The following REPS1 variants were observed in gnomAD, a reference collection of about 807,000 sequenced individuals.
REPS1 encodes the protein RALBP1 associated Eps domain containing 1.
Under a neutral mutation model 100.9 loss-of-function variants are expected in REPS1, and 39 were observed. The ratio of observed to expected loss-of-function variants is 0.39; its 90% CI spans 0.30 to 0.50. The LOEUF (loss-of-function observed/expected upper bound fraction) is 0.50. Among genes scored for constraint, REPS1 ranks in the 20% least tolerant of loss-of-function variants. The pLI is 0.86. For missense variants in REPS1, 821 were observed against 968.5 expected (o/e 0.85, Z 2.02); for synonymous variants, 324 against 340.3 (o/e 0.95, Z 0.53).
At chr6:138,961,078 C>T (rs1783707654) in intron 1 of REPS1, among the ~76,000 whole-genome samples, 1 of 152,052 alleles carries the variant, frequency 6.6e-6, no homozygotes, top group African/African-American at 2.4e-5. Flanking sequence ...AAATGATGTT[C>T]ATGAAAAAAG....
At chr6:138,982,514 G>C (rs979953408) in intron 1 of REPS1, among the ~76,000 whole-genome samples, 5 of 152,172 alleles carry the variant, frequency 3.3e-5, no homozygotes, top group African/African-American at 1.2e-4. Context: ...AAAACATTCT[G>C]ATTAGTGTGG....
At chr6:138,939,258 G>C (rs1037047383) in intron 8 of REPS1, among the ~76,000 whole-genome samples, 3 of 150,950 alleles carry the variant, frequency 2.0e-5, no homozygotes, top group Non-Finnish European at 3.0e-5. Context: ...AATTTGGTCA[G>C]AAAACCATAT....
intron 1 of REPS1, among the ~76,000 whole-genome samples, chr6:138,964,320 C>T (rs1783898764): frequency 6.6e-6 from 1 of 152,016 alleles, no homozygotes; most frequent in African/African-American, 2.4e-5. Flanking sequence ...GGTCTTTCCC[C>T]CAACACTATG....
rs201210842 is a variant in REPS1, at chr6:138,911,406, C to T, written c.1972-35G>A. 35 of 1,295,508 alleles carry T rather than the reference C, an allele frequency of 2.7e-5. No individual in the cohort carries two copies. In the African/African-American group the frequency reaches 3.2e-4, roughly 12 times the overall value. 80.3% of individuals were successfully genotyped at this position (1,295,508 alleles called of 1,614,324 possible). ...AATATGTTTATCACTATTAATTCTA[C>T]ATAACATGTAATTATGCATAAATAT... On this transcript the variant is annotated intron_variant, in intron 16 of 19. Coordinates refer to ENST00000450536, the MANE Select transcript of REPS1 (RefSeq NM_001286611.2).
chr6:138,947,076 C>CTCTCTCTCTCTCTCTCTCT (rs754994209), intron 2 of REPS1, among the ~76,000 whole-genome samples: 5 of 149,188 alleles, frequency 3.4e-5, no homozygotes, highest in Middle Eastern at 3.4e-3. Context: ...CTCTCTCTCT[C>CTCTCTCTCTCTCTCTCTCT]CTGTGGCCAC....
chr6:138,978,345 T>C lies in REPS1; in HGVS notation c.153+9185A>G, dbSNP rs576907112. Among the ~76,000 whole-genome samples, 230 of 151,584 alleles carry C rather than the reference T, an allele frequency of 1.5e-3. 1 individual carries two copies. Among genetic ancestry groups the C allele is most frequent in the Non-Finnish European group, 2.6e-3 (176 of 67,828 alleles). On this transcript the variant is annotated intron_variant, in intron 1 of 19. Coordinates refer to ENST00000450536, the MANE Select transcript of REPS1 (RefSeq NM_001286611.2). ...GCTCTGTTGCCCAGGCTGGAGTCCA[T>C]TGGCGCAATCTCGGGTCTCTCTGAC...
chr6:138,963,355 G>A (rs1412413835), intron 1 of REPS1, among the ~76,000 whole-genome samples: 3 of 152,014 alleles, frequency 2.0e-5, no homozygotes, highest in African/African-American at 7.2e-5. Context: ...CTTCCACTAA[G>A]CTCCTTGGGG....
chr6:138,970,580 G>A (rs570061096), intron 1 of REPS1, among the ~76,000 whole-genome samples: 22 of 152,046 alleles, frequency 1.4e-4, no homozygotes, highest in Non-Finnish European at 2.5e-4. Context: ...TGAGGAGTCC[G>A]AGACCAGCCT....
Position 138,947,804 on chromosome 6 carries a change from T to C in REPS1, c.263A>G (p.Glu88Gly), listed in dbSNP as rs765379578. Residue 88 changes from glutamate (E) to glycine (G), a missense_variant, in exon 2 of 20, where the codon GAA becomes GGA. Transcript: ENST00000450536. Reference protein sequence around the residue: ...VAQSGFPLRVESINTVKDLPL... With the variant: ...VAQSGFPLRVGSINTVKDLPL... ...TCTATATTTACCTGTATTTATACTT[T>C]CCACTCTTAAAGGGAAACCAGACTG... 3 of 1,606,124 alleles carry C rather than the reference T, an allele frequency of 1.9e-6. No individual in the cohort carries two copies. Among genetic ancestry groups the C allele is most frequent in the Non-Finnish European group, 2.5e-6 (3 of 1,177,220 alleles).
At chr6:138,908,085 T>C (rs2128423380) in intron 18 of REPS1, among the ~76,000 whole-genome samples, 1 of 152,268 alleles carries the variant, frequency 6.6e-6, no homozygotes, top group African/African-American at 2.4e-5. Flanking sequence ...TGATTCCTGG[T>C]CTAGAACACC....
chr6:138,984,703 A>G lies in REPS1; in HGVS notation c.153+2827T>C, dbSNP rs530514326. 5.3e-5 allele frequency among the ~76,000 whole-genome samples: 8 copies of G among 152,210 alleles called. No individual in the cohort carries two copies. In the East Asian group the frequency reaches 1.5e-3, roughly 29 times the overall value. On this transcript the variant is annotated intron_variant, in intron 1 of 19. Transcript: ENST00000450536. ...AAATCAGCCCCCAAGTTAAGTCTAC[A>G]GTTTTATTCCTCTAATTCCTGTGGC...
intron 8 of REPS1, among the ~76,000 whole-genome samples, chr6:138,932,071 G>A (rs1376527764): frequency 6.6e-6 from 1 of 152,146 alleles, no homozygotes; most frequent in South Asian, 2.1e-4. Flanking sequence ...CAGTTCTCAT[G>A]ATTTCTTCTA....
At chr6:138,982,775 G>A (rs1785025982) in intron 1 of REPS1, among the ~76,000 whole-genome samples, 1 of 152,090 alleles carries the variant, frequency 6.6e-6, no homozygotes, top group African/African-American at 2.4e-5. Flanking sequence ...CTTAAACTCA[G>A]AATAGATTTT....
At chr6:138,972,890 AT>A (rs951102874) in intron 1 of REPS1, among the ~76,000 whole-genome samples, 7 of 152,130 alleles carry the variant, frequency 4.6e-5, no homozygotes, top group African/African-American at 1.7e-4. Flanking sequence ...ATAATTTGGA[AT>A]TTTTTAAGTG....
intron 1 of REPS1, among the ~76,000 whole-genome samples, chr6:138,959,546 C>T (rs1783607869): frequency 2.0e-5 from 3 of 152,150 alleles, no homozygotes. Flanking sequence ...GTTTATTCTA[C>T]CGCTTTCATT....
chr6:138,975,245 T>C (rs1158107811), intron 1 of REPS1, among the ~76,000 whole-genome samples: 1 of 152,182 alleles, frequency 6.6e-6, no homozygotes, highest in Non-Finnish European at 1.5e-5. Flanking sequence ...GTTAATGGCA[T>C]CACCATTCTA....
intron 8 of REPS1, 25 bp downstream of exon 8, chr6:138,941,310 A>G: frequency 6.2e-7 from 1 of 1,611,238 alleles, no homozygotes; most frequent in Non-Finnish European, 8.5e-7. Flanking sequence ...GCATGCAAAC[A>G]GCTCTCTTCA....
At chr6:138,960,697 A>T (rs1478627320) in intron 1 of REPS1, among the ~76,000 whole-genome samples, 3 of 152,190 alleles carry the variant, frequency 2.0e-5, no homozygotes, top group Admixed American at 2.0e-4. Flanking sequence ...CTTTTTAGGT[A>T]ATTTTGATGA....
intron 1 of REPS1, among the ~76,000 whole-genome samples, chr6:138,955,826 T>C (rs1783349086): frequency 6.6e-6 from 1 of 152,158 alleles, no homozygotes; most frequent in South Asian, 2.1e-4. Context: ...TGTGCCTCAG[T>C]TTCTTCATAT....
Sources: gnomAD v4.1 joint callset for allele counts (sites outside exome capture counted in the v4.1 genomes callset) on GRCh38, gnomAD v4.1.1 for gene constraint, MANE v1.5 for transcripts, NCBI Gene and HGNC (gene_info 2026-07-23, HGNC 2026-07-21) for gene names.